The following ANKIB1 variants were observed in gnomAD, a reference collection of about 807,000 sequenced individuals.
ANKIB1 encodes ankyrin repeat and IBR domain containing 1.
A neutral mutation model predicts 122.1 loss-of-function variants in ANKIB1; 43 were observed. The observed-to-expected ratio is 0.35, with a 90% CI of 0.28 to 0.45. The LOEUF is 0.45. ANKIB1 is among the 20% of genes least tolerant of loss of function. The pLI, the probability that ANKIB1 is intolerant of heterozygous loss-of-function variation, is 1.00. For missense variants in ANKIB1, 992 were observed against 1,329.5 expected (o/e 0.75, Z 3.95); for synonymous variants, 390 against 442.0 (o/e 0.88, Z 1.48).
At chr7:92,250,664 CA>C in intron 1 of ANKIB1, among the ~76,000 whole-genome samples, 1 of 152,214 alleles carries the variant, frequency 6.6e-6, no homozygotes, top group South Asian at 2.1e-4. Context: ...TTGATTTTGG[CA>C]ACTAAGGGCC....
intron 3 of ANKIB1, among the ~76,000 whole-genome samples, chr7:92,315,744 A>G (rs999945803): frequency 1.3e-5 from 2 of 152,184 alleles, no homozygotes; most frequent in African/African-American, 4.8e-5. Flanking sequence ...GACTTTCTGG[A>G]ATATTGTTTC....
intron 14 of ANKIB1, among the ~76,000 whole-genome samples, chr7:92,388,496 T>C (rs1208408244): frequency 6.6e-6 from 1 of 152,182 alleles, no homozygotes; most frequent in Non-Finnish European, 1.5e-5. Context: ...ATCATTTCAC[T>C]GGTAAATAAT....
rs529591456 is a variant in ANKIB1, at chr7:92,292,401, A to G, written c.-90-2488A>G. 2.6e-5 allele frequency among the ~76,000 whole-genome samples: 4 copies of G among 152,326 alleles called. No homozygotes were observed. The South Asian group carries it at 8.3e-4, about 32-fold the overall frequency. On this transcript the variant is annotated intron_variant, in intron 1 of 19. Transcript: ENST00000265742. ...TTTTTTTAAAAACTTGTTGCTTTAA[A>G]TGAGTACTCCATGATAACATTACTT...
chr7:92,352,088 C>T (rs752014032), intron 8 of ANKIB1, among the ~76,000 whole-genome samples: 1 of 152,030 alleles, frequency 6.6e-6, no homozygotes, highest in Non-Finnish European at 1.5e-5. Flanking sequence ...TAGAAATTTA[C>T]TGTTCTAATA....
Position 92,398,596 on chromosome 7 carries a change from A to C in ANKIB1, c.2917A>C (p.Ile973Leu). 3 of 1,614,000 alleles carry C rather than the reference A, an allele frequency of 1.9e-6. No individual in the cohort carries two copies. The highest frequency in any genetic ancestry group is 2.5e-6 in the Non-Finnish European group (3 of 1,179,878). The stretch of plus-strand genomic sequence containing the variant: ...CATCAATGACAATCTTCTCGGCAAC[A>C]TCATGGCTTGGTTTCATGACATGAA... ...PNINDNLLGN[I>L]MAWFHDMNPQ... The change falls in exon 20 of 20, where the codon ATC becomes CTC. Residue 973 changes from isoleucine (I) to leucine (L), a missense_variant. Ile to Leu is a conservative substitution (Grantham distance 5). Around this residue, in one of 4 missense-constraint regions of ANKIB1, gnomAD observed 384 missense variants for 412.0 expected, o/e 0.93. Coordinates refer to ENST00000265742, the MANE Select transcript of ANKIB1 (RefSeq NM_019004.2).
intron 11 of ANKIB1, among the ~76,000 whole-genome samples, chr7:92,378,562 A>G (rs1171281635): frequency 2.0e-5 from 3 of 152,196 alleles, no homozygotes; most frequent in African/African-American, 7.2e-5. Context: ...TATGATAAAA[A>G]TAAATTGACC....
chr7:92,343,325 G>A, intron 6 of ANKIB1, 93 bp downstream of exon 6: 1 of 1,170,994 alleles, frequency 8.5e-7, no homozygotes, highest in South Asian at 1.4e-5. Flanking sequence ...GTGTCTGGTT[G>A]TGTTCTTGTA....
In ANKIB1 at chr7:92,333,557, G is replaced by T. The variant is rs568181476; in HGVS notation, c.787+5657G>T. On this transcript the variant is annotated intron_variant, in intron 5 of 19. Transcript: ENST00000265742. ...CTCCGGTTTTCTACCTCTCTTTATGGTGTTTCTGACAGTGGTGATTTTTTG... is the reference window on the plus strand; with the variant it reads ...CTCCGGTTTTCTACCTCTCTTTATGTTGTTTCTGACAGTGGTGATTTTTTG... Among the ~76,000 whole-genome samples the T allele has an allele frequency of 3.3e-5, 5 of 152,136 alleles. No individual in the cohort carries two copies. The East Asian group carries it at 9.6e-4, about 29-fold the overall frequency.
At chr7:92,382,480 TAGTTGGA>T (rs1326876713) in intron 11 of ANKIB1, among the ~76,000 whole-genome samples, 2 of 152,220 alleles carry the variant, frequency 1.3e-5, no homozygotes, top group African/African-American at 4.8e-5. Context: ...ATTGACCACG[TAGTTGGA>T]AGTAAAGCAC....
chr7:92,319,102 T>G (rs1447189653), intron 3 of ANKIB1, among the ~76,000 whole-genome samples: 2 of 152,140 alleles, frequency 1.3e-5, no homozygotes, highest in African/African-American at 2.4e-5. Context: ...TTAAATTATT[T>G]TTTAACAAGA....
intron 5 of ANKIB1, among the ~76,000 whole-genome samples, chr7:92,341,309 CA>C (rs554016109): frequency 0.035 from 2,723 of 78,814 alleles, 40 homozygotes; most frequent in African/African-American, 0.085. Context: ...GACCCTGTCT[CA>C]AAAAAAAAAA....
chr7:92,311,550 A>C (rs1179505992), intron 3 of ANKIB1, among the ~76,000 whole-genome samples: 1 of 152,098 alleles, frequency 6.6e-6, no homozygotes, highest in Non-Finnish European at 1.5e-5. Flanking sequence ...GCTGTCGAAA[A>C]TGTTTTTCTC....
chr7:92,392,214 C>T, intron 16 of ANKIB1, 27 bp from the exon 17 acceptor site: 2 of 1,598,090 alleles, frequency 1.3e-6, no homozygotes, highest in Non-Finnish European at 1.7e-6. Context: ...GATATTAAAT[C>T]AAATGGTATG....
intron 3 of ANKIB1, among the ~76,000 whole-genome samples, chr7:92,313,062 T>A (rs1313939370): frequency 6.6e-6 from 1 of 152,166 alleles, no homozygotes; most frequent in Non-Finnish European, 1.5e-5. Context: ...TAATAGTGAT[T>A]CAGTAAATGG....
rs558225114 is a variant in ANKIB1 at position 92,260,858 on chromosome 7, T to G, written c.-91+14339T>G. ...GCCTACAATAATGCCTAGCACATGA[T>G]AGGTGGTTGATAAATAGTTGTTGCA... On this transcript the variant is annotated intron_variant, in intron 1 of 19. Transcript: ENST00000265742. Among the ~76,000 whole-genome samples the G allele has an allele frequency of 2.6e-5, 4 of 152,302 alleles. No individual in the cohort carries two copies. In the East Asian group the frequency reaches 7.7e-4, roughly 29 times the overall value.
At chr7:92,350,483 T>G (rs1467912347) in intron 7 of ANKIB1, among the ~76,000 whole-genome samples, 1 of 152,192 alleles carries the variant, frequency 6.6e-6, no homozygotes, top group Non-Finnish European at 1.5e-5. Context: ...ATGAATGCCT[T>G]AACAGATAAT....
intron 11 of ANKIB1, among the ~76,000 whole-genome samples, chr7:92,382,739 A>G (rs1168689777): frequency 6.6e-6 from 1 of 152,222 alleles, no homozygotes; most frequent in Non-Finnish European, 1.5e-5. Context: ...CATTTAAAGC[A>G]GTGTGCAGAG....
At chr7:92,330,621 T>A (rs1243065058) in intron 5 of ANKIB1, among the ~76,000 whole-genome samples, 1 of 152,072 alleles carries the variant, frequency 6.6e-6, no homozygotes, top group Admixed American at 6.6e-5. Context: ...GGTGGGCGGA[T>A]CATGAGGTCA....
intron 9 of ANKIB1, among the ~76,000 whole-genome samples, chr7:92,353,721 A>G (rs112360738): frequency 2.6e-5 from 4 of 152,314 alleles, no homozygotes; most frequent in African/African-American, 7.2e-5. Context: ...TCAGCAAACT[A>G]TTGTCTATAC....
Sources: allele counts gnomAD v4.1 joint callset (sites outside exome capture counted in the v4.1 genomes callset), GRCh38; gene constraint gnomAD v4.1.1; regional missense constraint gnomAD v4.1.1; transcripts MANE v1.5; gene names NCBI Gene and HGNC (gene_info 2026-07-23, HGNC 2026-07-21).